ZPBP: variants seen among roughly 807,000 people sequenced by gnomAD.
ZPBP encodes the protein zona pellucida binding protein.
Under a neutral mutation model 44.8 loss-of-function variants are expected in ZPBP, and 26 were observed. That is an observed-to-expected ratio of 0.58 (90% CI 0.43 to 0.81). The LOEUF (loss-of-function observed/expected upper bound fraction) is 0.81. Among genes scored for constraint, ZPBP ranks in the 30% least tolerant of loss-of-function variants. The probability of loss-of-function intolerance (pLI) is 0.00; values close to 1 mark genes in which losing one functional copy is unlikely to be tolerated. For missense variants in ZPBP, 409 were observed against 434.0 expected, an observed-to-expected ratio of 0.94 and a Z score of 0.51; for synonymous variants, 174 against 153.2, an observed-to-expected ratio of 1.14 and a Z score of -1.00.
intron 1 of ZPBP, among the ~76,000 whole-genome samples, chr7:49,902,701 T>C (rs1792834910): frequency 6.6e-6 from 1 of 152,054 alleles, no homozygotes; most frequent in Admixed American, 6.6e-5. Context: ...TAGGGCTTCT[T>C]GATGAGTTGT....
chr7:49,918,193 T>C (rs1562774943), intron 1 of ZPBP: 1 of 152,144 alleles, frequency 6.6e-6, no homozygotes, highest in Non-Finnish European at 1.5e-5. Context: ...GAAAAGTAAA[T>C]ATAGGCTCAG....
intron 7 of ZPBP, among the ~76,000 whole-genome samples, chr7:49,982,237 A>C (rs1797029356): frequency 9.2e-6 from 1 of 108,950 alleles, no homozygotes; most frequent in Non-Finnish European, 1.7e-5. Context: ...AATATATAAT[A>C]TAATTATATT....
intron 6 of ZPBP, among the ~76,000 whole-genome samples, chr7:50,001,497 T>C (rs1432959678): frequency 6.6e-6 from 1 of 152,200 alleles, no homozygotes; most frequent in Admixed American, 6.5e-5. Flanking sequence ...CTCTTTTTTG[T>C]ATCTGGTAAT....
At chr7:50,046,265 A>G (rs1800353429) in intron 4 of ZPBP, among the ~76,000 whole-genome samples, 1 of 152,222 alleles carries the variant, frequency 6.6e-6, no homozygotes. Context: ...AAACACCAAC[A>G]GCAATGGCAA....
intron 1 of ZPBP, among the ~76,000 whole-genome samples, chr7:49,907,990 A>C (rs1475310338): frequency 6.6e-6 from 1 of 152,178 alleles, no homozygotes; most frequent in South Asian, 2.1e-4. Context: ...CTGGAAAGGG[A>C]AGGGGATTGT....
intron 5 of ZPBP, among the ~76,000 whole-genome samples, chr7:50,018,735 C>T (rs983170756): frequency 1.3e-5 from 2 of 151,910 alleles, no homozygotes; most frequent in Non-Finnish European, 2.9e-5. Context: ...AGAGGTAGGA[C>T]AAACTCTGAT....
At chr7:50,071,587 G>T (rs889679235) in intron 3 of ZPBP, among the ~76,000 whole-genome samples, 3 of 152,134 alleles carry the variant, frequency 2.0e-5, no homozygotes, top group Non-Finnish European at 4.4e-5. Context: ...AGGCTCCACA[G>T]TTTGCAGCTC....
At chr7:49,956,239 T>G (rs1795585593) in intron 7 of ZPBP, among the ~76,000 whole-genome samples, 1 of 152,058 alleles carries the variant, frequency 6.6e-6, no homozygotes, top group African/African-American at 2.4e-5. Flanking sequence ...ATCTTAAATA[T>G]CTAAAAATAT....
intron 7 of ZPBP, chr7:49,944,032 G>C (rs189682784): frequency 3.9e-6 from 1 of 257,628 alleles, no homozygotes; most frequent in African/African-American, 2.3e-5. Context: ...AAAACTTTCA[G>C]TATCAGGAAC....
rs193262845 is a variant in ZPBP at position 49,924,487 on chromosome 7, A to C, written n.411+11264T>G. On this transcript the variant is annotated intron_variant and non_coding_transcript_variant, in intron 1 of 2. Coordinates refer to the ZPBP transcript ENST00000465922. ...TAATTCAATTAAACTATAACTCAAC[A>C]AGAAAAACTATCAATAAATAAAATG... is the stretch of plus-strand genomic sequence containing the variant. Among the ~76,000 whole-genome samples the C allele has an allele frequency of 5.9e-5, 9 of 152,320 alleles. No homozygotes were observed. The East Asian group carries it at 1.4e-3, about 23-fold the overall frequency.
intron 6 of ZPBP, among the ~76,000 whole-genome samples, chr7:50,014,210 T>G (rs763877079): frequency 6.6e-5 from 10 of 151,984 alleles, no homozygotes; most frequent in African/African-American, 9.7e-5. Flanking sequence ...TCAAGGAAAC[T>G]CCAATCCTAA....
intron 7 of ZPBP, among the ~76,000 whole-genome samples, chr7:49,980,221 TTA>T (rs1796768696): frequency 8.0e-6 from 1 of 124,516 alleles, no homozygotes; most frequent in Non-Finnish European, 1.6e-5. Context: ...TAATATAAAA[TTA>T]TATAATATAA....
intron 1 of ZPBP, chr7:49,918,076 T>C (rs1187089128): frequency 6.6e-6 from 1 of 152,240 alleles, no homozygotes; most frequent in Non-Finnish European, 1.5e-5. Context: ...AAGCAGTCGG[T>C]GAATGTATAT....
At chr7:49,998,728 T>C (rs1279913871) in intron 6 of ZPBP, among the ~76,000 whole-genome samples, 3 of 152,130 alleles carry the variant, frequency 2.0e-5, no homozygotes, top group Admixed American at 2.0e-4. Context: ...GATTAGTATC[T>C]TTAAATCTAG....
At position 49,983,507 on chromosome 7, in the gene ZPBP, T is replaced by C. The variant is rs1360197120; in HGVS notation, c.796A>G (p.Ile266Val). ...YKRLFKAKNLIERFFNQQVEI... is the reference protein window; with the variant it reads ...YKRLFKAKNLVERFFNQQVEI... The stretch of plus-strand genomic sequence containing the variant: ...ACTTGTTGATTAAAAAATCTCTCTA[T>C]GAGATTTTTAGCCTAAAACATAAAT... The change falls in exon 7 of 8, where the codon ATA becomes GTA. Residue 266 changes from isoleucine to valine, a missense_variant. By Grantham distance (29) the Ile-to-Val change is conservative. Transcript: ENST00000046087. 6 of 1,595,882 alleles carry C rather than the reference T, an allele frequency of 3.8e-6. No individual in the cohort carries two copies. Among genetic ancestry groups the C allele is most frequent in the Non-Finnish European group, 5.1e-6 (6 of 1,167,084 alleles).
intron 7 of ZPBP, chr7:49,944,275 CT>C: frequency 3.0e-6 from 1 of 330,076 alleles, no homozygotes; most frequent in South Asian, 3.2e-5. Flanking sequence ...GCTTAATGAT[CT>C]TACCACAGCT....
chr7:49,936,537 C>G (rs1794625350), downstream of ZPBP, among the ~76,000 whole-genome samples: 1 of 152,090 alleles, frequency 6.6e-6, no homozygotes. Context: ...GGTATGTTTG[C>G]CATTTACAAA....
the ZPBP span, among the ~76,000 whole-genome samples, chr7:49,840,994 G>T: frequency 6.6e-6 from 1 of 152,286 alleles, no homozygotes; most frequent in Admixed American, 6.5e-5. Flanking sequence ...AGAGCTAGAA[G>T]GAATACCTTT....
At position 49,979,894 on chromosome 7, in the gene ZPBP, A is replaced by G. The variant is rs1215492366; in HGVS notation, c.961+3448T>C. ...ATATATTATATATTACATATTATGT[A>G]TATTACATATCTGTGTTCTGGATAT... On this transcript the variant is annotated intron_variant, in intron 7 of 7. Coordinates refer to ENST00000046087, the MANE Select transcript of ZPBP (RefSeq NM_007009.3). Among the ~76,000 whole-genome samples the G allele has an allele frequency of 2.7e-4, 34 of 124,850 alleles. No individual in the cohort carries two copies. The East Asian group carries it at 7.1e-3, about 26-fold the overall frequency. 81.9% of individuals were successfully genotyped at this position (124,850 alleles called of 152,430 possible).
Sources: gnomAD v4.1 joint callset for allele counts (sites outside exome capture counted in the v4.1 genomes callset) on GRCh38, gnomAD v4.1.1 for gene constraint, MANE v1.5 for transcripts, NCBI Gene and HGNC (gene_info 2026-07-23, HGNC 2026-07-21) for gene names.